Variants in CD69 observed in about 807,000 individuals in gnomAD.
CD69 encodes the protein CD69 molecule.
CD69 carries 10 observed loss-of-function variants against 21.4 expected under a neutral mutation model. That is an observed-to-expected ratio of 0.47 (90% CI 0.29 to 0.79). The LOEUF (loss-of-function observed/expected upper bound fraction) is 0.79, where lower values mean the gene tolerates loss of function less well. Ranked by LOEUF, CD69 falls within the 30% of genes least tolerant of loss-of-function variation. The pLI is 0.09. For synonymous variants in CD69, 63 were observed against 78.2 expected (o/e 0.81, Z 1.03); for missense variants, 204 against 236.9 (o/e 0.86, Z 0.91).
chr12:9,758,779 T>C (rs930061141), intron 1 of CD69, among the ~76,000 whole-genome samples: 4 of 152,194 alleles, frequency 2.6e-5, no homozygotes, highest in African/African-American at 4.8e-5. Context: ...TTGAACTCAG[T>C]ATTGCAACAG....
chr12:9,758,410 A>C (rs927469520), intron 1 of CD69, among the ~76,000 whole-genome samples: 17 of 152,232 alleles, frequency 1.1e-4, no homozygotes, highest in Non-Finnish European at 2.2e-4. Flanking sequence ...ATAACTTAAA[A>C]AAGTTTACAT....
rs756422079 is a variant in CD69 at position 9,752,784 on chromosome 12, C to T, written c.*697G>A. On this transcript the variant is annotated 3_prime_UTR_variant, in exon 5 of 5. Transcript: ENST00000228434. ...CTCATAGTCTTTGCTTATGTCTTTT[C>T]TCTGTAAGACACTGTATAAAAGATT... 1.3e-5 allele frequency: 2 copies of T among 152,636 alleles called. No individual in the cohort carries two copies. Among genetic ancestry groups the T allele is most frequent in the African/African-American group, 4.8e-5 (2 of 41,548 alleles). 9.5% of individuals were successfully genotyped at this position (152,636 alleles called of 1,614,324 possible).
Position 9,756,328 on chromosome 12 carries a change from G to A in CD69, c.156C>T (p.Thr52=), listed in dbSNP as rs753074038. 6.2e-7 allele frequency: 1 copy of A among 1,613,406 alleles called. No homozygotes were observed. Among genetic ancestry groups the A allele is most frequent in the African/African-American group, 1.3e-5 (1 of 75,006 alleles). ...AGGCAATGAGAGCTATGATTAAAAT[G>A]GTGATGAAGACCACATTCATTACAG... is the stretch of plus-strand genomic sequence containing the variant. ...LCAVMNVVFI[T]ILIIALIALS... is the part of the protein sequence containing the mutation. The change falls in exon 2 of 5, where the codon ACC becomes ACT. Residue 52 remains threonine, a synonymous_variant. Coordinates refer to ENST00000228434, the MANE Select transcript of CD69 (RefSeq NM_001781.2).
intron 1 of CD69, 26 bp from the exon 2 acceptor site, chr12:9,756,445 GT>G (rs1279641880): frequency 1.2e-6 from 2 of 1,601,460 alleles, no homozygotes; most frequent in Non-Finnish European, 1.7e-6. Flanking sequence ...TTGATGATGA[GT>G]TCAGGCAGAC....
chr12:9,755,376 A>C, intron 2 of CD69, 115 bp from the exon 3 acceptor site: 1 of 815,380 alleles, frequency 1.2e-6, no homozygotes, highest in Non-Finnish European at 2.0e-6. Flanking sequence ...AAAGGATAAA[A>C]GCTAAAAAGT....
Position 9,754,647 on chromosome 12 carries a change from C to G in CD69, c.431G>C (p.Gly144Ala). The change falls in exon 4 of 5, where the codon GGA (glycine) becomes GCA (alanine). Residue 144 changes from glycine (G) to alanine (A), a missense_variant. Gly to Ala is a moderately conservative substitution (Grantham distance 60). Transcript: ENST00000228434. ...TGGGTGACCAGGTTCCTTTTTCAGT[C>G]CAACCCAGTGTTCCTCTCTACCTGC... The part of the protein sequence containing the change: ...RYAGREEHWV[G>A]LKKEPGHPWK... The G allele has an allele frequency of 6.2e-7, 1 of 1,613,088 alleles. No homozygotes were observed. Among genetic ancestry groups the G allele is most frequent in the Non-Finnish European group, 8.5e-7 (1 of 1,179,076 alleles).
chr12:9,753,595 A>G lies in CD69; in HGVS notation c.492-6T>C. On this transcript the variant is annotated splice_polypyrimidine_tract_variant and splice_region_variant and intron_variant, in intron 4 of 4. Transcript: ENST00000228434. ...CAGACCCTGTAACGTTGAACCTGTC[A>G]AACAATAAAAAAACTTAGAATTATT... 7.5e-7 allele frequency: 1 copy of G among 1,337,064 alleles called. No individual in the cohort carries two copies. The highest frequency in any genetic ancestry group is 1.1e-6 in the Non-Finnish European group (1 of 944,882). The allele number at this position is 1,337,064 out of a possible 1,614,324, so 82.8% of individuals were successfully genotyped here.
intron 2 of CD69, 85 bp downstream of exon 2, chr12:9,756,212 C>T: frequency 7.8e-7 from 1 of 1,276,576 alleles, no homozygotes; most frequent in Admixed American, 2.2e-5. Context: ...TTCTGATTAA[C>T]TAGACTAAAC....
chr12:9,758,879 T>C (rs1452491385), intron 1 of CD69, among the ~76,000 whole-genome samples: 1 of 152,200 alleles, frequency 6.6e-6, no homozygotes, highest in East Asian at 1.9e-4. Flanking sequence ...GGGAGTAAGC[T>C]TTGGGATGAC....
chr12:9,759,297 T>G (rs1866711400), intron 1 of CD69, among the ~76,000 whole-genome samples: 3 of 152,174 alleles, frequency 2.0e-5, no homozygotes, highest in African/African-American at 7.2e-5. Flanking sequence ...TTTCAGGTCC[T>G]GCACATTAAT....
At chr12:9,756,166 A>G in intron 2 of CD69, 131 bp downstream of exon 2, 1 of 656,918 alleles carries the variant, frequency 1.5e-6, no homozygotes, top group Non-Finnish European at 2.4e-6. Context: ...GAAATTGGCC[A>G]TATATGGTAC....
At chr12:9,758,980 A>G (rs1008998721) in intron 1 of CD69, among the ~76,000 whole-genome samples, 2 of 149,048 alleles carry the variant, frequency 1.3e-5, no homozygotes, top group South Asian at 2.1e-4. Context: ...TCCAGGCTGG[A>G]GTGCAGTTGC....
At chr12:9,753,721 T>A in intron 4 of CD69, 132 bp from the exon 5 acceptor site, 1 of 470,642 alleles carries the variant, frequency 2.1e-6, no homozygotes, top group Non-Finnish European at 3.8e-6. Flanking sequence ...CAAATAATCA[T>A]AGACTAATCT....
At position 9,755,401 on chromosome 12, in the gene CD69, G is replaced by A. The variant is rs1388016615; in HGVS notation, c.188-140C>T. ...AGCTAAAAAGTAGAATTCTGAAAAGGGTATGAAGAAAGAAAGTTCTCAGGA... is the reference window on the plus strand; with the variant it reads ...AGCTAAAAAGTAGAATTCTGAAAAGAGTATGAAGAAAGAAAGTTCTCAGGA... On this transcript the variant is annotated intron_variant, in intron 2 of 4. Transcript: ENST00000228434. The A allele has an allele frequency of 1.9e-5, 13 of 678,946 alleles. No homozygotes were observed. In the East Asian group the frequency reaches 2.9e-4, roughly 15 times the overall value. The allele number at this position is 678,946 out of a possible 1,614,324, so 42.1% of individuals were successfully genotyped here.
chr12:9,757,229 A>T (rs960172337), intron 1 of CD69, among the ~76,000 whole-genome samples: 3 of 152,234 alleles, frequency 2.0e-5, no homozygotes, highest in Non-Finnish European at 4.4e-5. Context: ...TCTGACATTA[A>T]AATGACTGAA....
At chr12:9,758,968 C>G (rs1034587479) in intron 1 of CD69, among the ~76,000 whole-genome samples, 4 of 150,912 alleles carry the variant, frequency 2.7e-5, no homozygotes, top group African/African-American at 7.4e-5. Context: ...CTCGCTCTGT[C>G]GTCCAGGCTG....
chr12:9,755,793 T>A (rs1409270454), intron 2 of CD69, among the ~76,000 whole-genome samples: 5 of 152,202 alleles, frequency 3.3e-5, no homozygotes. Context: ...TTGGTACAGC[T>A]GGAGGTATTG....
intron 4 of CD69, chr12:9,754,178 C>T (rs1866656214): frequency 6.4e-6 from 1 of 155,692 alleles, no homozygotes; most frequent in Non-Finnish European, 1.4e-5. Flanking sequence ...GGCATTGAAA[C>T]TATTCTTTAT....
At chr12:9,758,911 C>T (rs529008582) in intron 1 of CD69, among the ~76,000 whole-genome samples, 2 of 152,236 alleles carry the variant, frequency 1.3e-5, no homozygotes, top group South Asian at 4.1e-4. Context: ...ACTTTATTCC[C>T]ATTAATGAGG....
Sources: allele counts gnomAD v4.1 joint callset (sites outside exome capture counted in the v4.1 genomes callset), GRCh38; gene constraint gnomAD v4.1.1; transcripts MANE v1.5; gene names NCBI Gene and HGNC (gene_info 2026-07-23, HGNC 2026-07-21).